The following NYAP2 variants were observed in gnomAD, a reference collection of about 807,000 sequenced individuals.
NYAP2 encodes neuronal tyrosine-phosphorylated phosphoinositide-3-kinase adapter 2.
A neutral mutation model predicts 50.4 loss-of-function variants in NYAP2; 23 were observed. The observed-to-expected ratio is 0.46, with a 90% CI of 0.33 to 0.65. The LOEUF (loss-of-function observed/expected upper bound fraction) is 0.65. NYAP2 is among the 30% of genes least tolerant of loss of function. The pLI is 0.02. For synonymous variants in NYAP2, 394 were observed against 365.2 expected (o/e 1.08, Z -0.90); for missense variants, 885 against 861.0 (o/e 1.03, Z -0.35).
chr2:225,523,298 T>C (rs1691097907), intron 4 of NYAP2, among the ~76,000 whole-genome samples: 1 of 151,752 alleles, frequency 6.6e-6, no homozygotes, highest in Non-Finnish European at 1.5e-5. Context: ...TCACTGATGA[T>C]TTGATCTCGT....
intron 4 of NYAP2, among the ~76,000 whole-genome samples, chr2:225,579,818 T>G (rs1692240381): frequency 1.3e-5 from 2 of 152,226 alleles, no homozygotes; most frequent in African/African-American, 2.4e-5. Flanking sequence ...TTTCTCTCCA[T>G]AATCTATGTT....
intron 3 of NYAP2, among the ~76,000 whole-genome samples, chr2:225,429,409 G>A (rs763745132): frequency 1.4e-4 from 21 of 152,174 alleles, no homozygotes; most frequent in Non-Finnish European, 2.6e-4. Flanking sequence ...CATCGGATCC[G>A]TAATAGTGTC....
Position 225,512,800 on chromosome 2 carries a change from CT to C in NYAP2, c.222-570del, listed in dbSNP as rs1559200444. ...TCTTTTTCCCTCTTTCCCTCCCTCCCTCTCTTTCTTTTCTTTCTTTCTCTCT... is the reference window on the plus strand; with the variant it reads ...TCTTTTTCCCTCTTTCCCTCCCTCCCCTCTTTCTTTTCTTTCTTTCTCTCT... On this transcript the variant is annotated intron_variant, in intron 3 of 6. Coordinates refer to ENST00000636099, the Ensembl canonical transcript of NYAP2. Among the ~76,000 whole-genome samples, 893 of 111,060 alleles carry C rather than the reference CT, an allele frequency of 8.0e-3. 25 individuals carry two copies. Among genetic ancestry groups the C allele is most frequent in the African/African-American group, 0.039 (847 of 21,508 alleles). 72.9% of individuals were successfully genotyped at this position (111,060 alleles called of 152,430 possible). A position where few individuals can be genotyped will look rare whatever the true frequency, so the allele number is the denominator to read the frequency against.
At chr2:225,571,239 T>C (rs1282125418) in intron 4 of NYAP2, among the ~76,000 whole-genome samples, 2 of 152,196 alleles carry the variant, frequency 1.3e-5, no homozygotes, top group South Asian at 4.1e-4. Context: ...GTGCAAGCTG[T>C]TAGTGGATCT....
At chr2:225,550,582 G>A (rs147798753) in intron 4 of NYAP2, among the ~76,000 whole-genome samples, 259 of 152,246 alleles carry the variant, frequency 1.7e-3, no homozygotes, top group African/African-American at 6.0e-3. Context: ...AAAGAAGTAG[G>A]GAAATGGGTG....
intron 4 of NYAP2, among the ~76,000 whole-genome samples, chr2:225,571,272 G>A (rs922983285): frequency 4.6e-5 from 7 of 152,172 alleles, no homozygotes; most frequent in Admixed American, 2.6e-4. Context: ...TCTGGAGGAC[G>A]GTGGCCCTCT....
Position 225,590,398 on chromosome 2 carries a change from G to A in NYAP2, c.1618+7363G>A, listed in dbSNP as rs1692477948. The stretch of plus-strand genomic sequence containing the variant: ...TAGGCAAGAGGTAGAAAGCTTAGGT[G>A]AGTGGTCCAAATGCCTGCATCATAT... On this transcript the variant is annotated intron_variant, in intron 5 of 6. Transcript: ENST00000636099. Among the ~76,000 whole-genome samples, 2 of 152,200 alleles carry A rather than the reference G, an allele frequency of 1.3e-5. 1 individual carries two copies. The highest frequency in any genetic ancestry group is 4.1e-4 in the South Asian group (2 of 4,824).
At chr2:225,495,224 T>A (rs1432117336) in intron 3 of NYAP2, among the ~76,000 whole-genome samples, 1 of 152,178 alleles carries the variant, frequency 6.6e-6, no homozygotes, top group Non-Finnish European at 1.5e-5. Context: ...ACTTTTACTT[T>A]ATTTAAAAAC....
At chr2:225,603,770 T>C (rs1692739461) in intron 5 of NYAP2, among the ~76,000 whole-genome samples, 1 of 152,216 alleles carries the variant, frequency 6.6e-6, no homozygotes, top group Non-Finnish European at 1.5e-5. Context: ...TGAGGCTTAA[T>C]CATAACCTTA....
chr2:225,553,868 C>G (rs748649411), intron 4 of NYAP2, among the ~76,000 whole-genome samples: 13 of 152,012 alleles, frequency 8.6e-5, no homozygotes, highest in Non-Finnish European at 1.9e-4. Context: ...GAAACCCTGT[C>G]TCTACTAAAA....
At position 225,553,141 on chromosome 2, in the gene NYAP2, C is replaced by T. The variant is rs368874931; in HGVS notation, c.524-28800C>T. On this transcript the variant is annotated intron_variant, in intron 4 of 6. Transcript: ENST00000636099. ...AACAGCAAGGCTTGTGGAGCTCTGA[C>T]GGGACGTCCCTGCCTGGCGGCGGCT... Among the ~76,000 whole-genome samples, 13 of 152,334 alleles carry T rather than the reference C, an allele frequency of 8.5e-5. No individual in the cohort carries two copies. The East Asian group carries it at 9.6e-4, about 11-fold the overall frequency.
chr2:225,618,066 G>A (rs1693019731), intron 5 of NYAP2, among the ~76,000 whole-genome samples: 1 of 152,180 alleles, frequency 6.6e-6, no homozygotes, highest in Admixed American at 6.5e-5. Flanking sequence ...GCCATGGAAG[G>A]CATAGGGTGG....
the NYAP2 span, among the ~76,000 whole-genome samples, chr2:225,693,705 A>C: frequency 6.6e-6 from 1 of 151,992 alleles, no homozygotes; most frequent in African/African-American, 2.4e-5. Flanking sequence ...ATTTTATAAG[A>C]GTACTAGTCC....
chr2:225,582,103 C>T lies in NYAP2; in HGVS notation c.686C>T (p.Ser229Phe), dbSNP rs1482879906. 1 of 1,614,004 alleles carries T rather than the reference C, an allele frequency of 6.2e-7. No individual in the cohort carries two copies. The highest frequency in any genetic ancestry group is 2.2e-5 in the East Asian group (1 of 44,862). The change falls in exon 5 of 7, where the codon TCC becomes TTC. Residue 229 changes from serine (S) to phenylalanine (F), a missense_variant. Ser to Phe is a radical substitution (Grantham distance 155). Coordinates refer to ENST00000636099, the Ensembl canonical transcript of NYAP2. This position sits in a 1 kb window ranked among gnomAD's most constrained non-coding sequence, Gnocchi z 7.0. ...TCGCTGCCGCGGGACTCCTCCTTGT[C>T]CCAGATGGGCAGCCCCGCGGGAGAC...
At chr2:225,639,160 G>A (rs905258760) in intron 6 of NYAP2, among the ~76,000 whole-genome samples, 13 of 152,002 alleles carry the variant, frequency 8.6e-5, no homozygotes, top group Admixed American at 6.6e-4. Context: ...TGGCTTCTGG[G>A]GAGAAAAAAA....
chr2:225,470,825 G>GTATA (rs1553540794), intron 3 of NYAP2, among the ~76,000 whole-genome samples: 2 of 151,692 alleles, frequency 1.3e-5, no homozygotes, highest in African/African-American at 4.9e-5. Flanking sequence ...GTGTGTGTGT[G>GTATA]TATATATATT....
intron 3 of NYAP2, among the ~76,000 whole-genome samples, chr2:225,437,511 A>G (rs1689398644): frequency 6.6e-6 from 1 of 152,192 alleles, no homozygotes; most frequent in African/African-American, 2.4e-5. Context: ...CACTGCTTGT[A>G]GATCACAATT....
intron 3 of NYAP2, among the ~76,000 whole-genome samples, chr2:225,493,771 G>T (rs897142134): frequency 2.0e-5 from 3 of 152,146 alleles, no homozygotes; most frequent in African/African-American, 2.4e-5. Flanking sequence ...AAAAAGAAAA[G>T]AATTTTTTTG....
chr2:225,433,715 G>A (rs574048957), intron 3 of NYAP2, among the ~76,000 whole-genome samples: 1 of 150,550 alleles, frequency 6.6e-6, no homozygotes, highest in South Asian at 2.1e-4. Context: ...TACTCAGGAG[G>A]CTGAGGCAGG....
Sources: allele counts gnomAD v4.1 joint callset (sites outside exome capture counted in the v4.1 genomes callset), GRCh38; gene constraint gnomAD v4.1.1; non-coding constraint Gnocchi (gnomAD v3.1); transcripts MANE v1.5; gene names NCBI Gene and HGNC (gene_info 2026-07-23, HGNC 2026-07-21).